Variants in IDH2 observed in about 807,000 individuals in gnomAD.
IDH2 encodes the protein isocitrate dehydrogenase (NADP(+)) 2.
Under a neutral mutation model 50.5 loss-of-function variants are expected in IDH2, and 18 were observed. That is an observed-to-expected ratio of 0.36 (90% CI 0.25 to 0.53). IDH2 has a LOEUF of 0.53. IDH2 is among the 20% of genes least tolerant of loss of function. The pLI is 0.92. For missense variants in IDH2, 518 were observed against 610.7 expected (o/e 0.85, Z 1.60); for synonymous variants, 280 against 239.8 (o/e 1.17, Z -1.55).
chr15:90,086,278 A>T (rs1900856457), intron 7 of IDH2, among the ~76,000 whole-genome samples: 1 of 150,800 alleles, frequency 6.6e-6, no homozygotes, highest in African/African-American at 2.4e-5. Flanking sequence ...TTTCTCTTTC[A>T]CTCTCTATGT....
rs577439843 is a variant in IDH2 at position 90,084,698 on chromosome 15, C to T, written c.1271+118G>A. The T allele has an allele frequency of 1.2e-6, 1 of 852,200 alleles. No homozygotes were observed. Among genetic ancestry groups the T allele is most frequent in the Non-Finnish European group, 2.0e-6 (1 of 502,180 alleles). The allele number at this position is 852,200 out of a possible 1,614,324, so 52.8% of individuals were successfully genotyped here. On this transcript the variant is annotated intron_variant, in intron 10 of 10. Coordinates refer to ENST00000330062, the MANE Select transcript of IDH2 (RefSeq NM_002168.4). This position sits in a 1 kb window ranked among gnomAD's most constrained non-coding sequence, Gnocchi z 5.0. ...CTGAGCAGTCTCTCAGGGCTGTGGA[C>T]ATGTCCTGCCCCAGGCCCCCTTGCA...
rs1421427196 is a variant in IDH2, at chr15:90,100,196, T to C, written c.115+2080A>G. ...TACTAATATTTGCAATCTGCTGGTA[T>C]TTTTAACATGGGTTTACAGAGTATA... On this transcript the variant is annotated intron_variant, in intron 1 of 10. Coordinates refer to ENST00000330062, the MANE Select transcript of IDH2 (RefSeq NM_002168.4). This position sits in a 1 kb window ranked among gnomAD's most constrained non-coding sequence, Gnocchi z 4.1. 1.3e-5 allele frequency among the ~76,000 whole-genome samples: 2 copies of C among 152,182 alleles called. No individual in the cohort carries two copies. Among genetic ancestry groups the C allele is most frequent in the Non-Finnish European group, 2.9e-5 (2 of 68,030 alleles).
At chr15:90,093,123 AG>A (rs1459422667) in intron 1 of IDH2, among the ~76,000 whole-genome samples, 1 of 152,248 alleles carries the variant, frequency 6.6e-6, no homozygotes, top group East Asian at 1.9e-4. Flanking sequence ...GCACCAAATC[AG>A]TAAGAGGTTG....
At chr15:90,092,572 T>C (rs1901071188) in intron 1 of IDH2, among the ~76,000 whole-genome samples, 1 of 137,482 alleles carries the variant, frequency 7.3e-6, no homozygotes, top group South Asian at 2.2e-4. Context: ...CACCCAGCTA[T>C]TTTTAATTTT....
Position 90,084,177 on chromosome 15 carries a change from G to C in IDH2, c.*89C>G, listed in dbSNP as rs1900793059. 1 of 992,386 alleles carries C rather than the reference G, an allele frequency of 1.0e-6. No homozygotes were observed. Among genetic ancestry groups the C allele is most frequent in the Admixed American group, 1.9e-5 (1 of 52,262 alleles). The allele number at this position is 992,386 out of a possible 1,614,324, so 61.5% of individuals were successfully genotyped here. On this transcript the variant is annotated 3_prime_UTR_variant, in exon 11 of 11. Transcript: ENST00000330062. The surrounding 1 kb of genome is among the most constrained non-coding windows in gnomAD (Gnocchi z 5.0). ...ATCCCCTAGAAAGGCCTCCAGAGAG[G>C]GGCTGTGAGGCTCACCCTCTGCCGC...
chr15:90,089,492 A>C (rs931112266), intron 3 of IDH2, among the ~76,000 whole-genome samples: 5 of 151,944 alleles, frequency 3.3e-5, no homozygotes, highest in African/African-American at 1.2e-4. Flanking sequence ...CCCCAACGCC[A>C]CCCCAGTTCC....
At position 90,083,858 on chromosome 15, in the gene IDH2, G is replaced by A; in HGVS notation, c.*408C>T. The A allele has an allele frequency of 3.3e-6, 1 of 306,156 alleles. No individual in the cohort carries two copies. The highest frequency in any genetic ancestry group is 4.8e-5 in the South Asian group (1 of 20,910). 19.0% of individuals were successfully genotyped at this position (306,156 alleles called of 1,614,324 possible). A position where few individuals can be genotyped will look rare whatever the true frequency, so the allele number is the denominator to read the frequency against. On this transcript the variant is annotated 3_prime_UTR_variant, in exon 11 of 11. Transcript: ENST00000330062. ...CCCAGGGCTGCCTGGTCCCTTCCCT[G>A]CCGTGGCAGCCCCTTCCTGAGGTGC...
intron 5 of IDH2, among the ~76,000 whole-genome samples, chr15:90,087,976 G>A (rs1451995537): frequency 6.6e-6 from 1 of 152,018 alleles, no homozygotes; most frequent in Admixed American, 6.6e-5. Context: ...GCTCAGAGGT[G>A]GTCATGTGAC....
chr15:90,091,672 T>C, intron 1 of IDH2, 28 bp from the exon 2 acceptor site: 3 of 1,595,306 alleles, frequency 1.9e-6, no homozygotes, highest in South Asian at 2.2e-5. Context: ...CAGCGCATCA[T>C]GCCCCTGGGG....
Position 90,100,628 on chromosome 15 carries a change from A to C in IDH2, c.115+1648T>G. On this transcript the variant is annotated intron_variant, in intron 1 of 10. Coordinates refer to ENST00000330062, the MANE Select transcript of IDH2 (RefSeq NM_002168.4). The surrounding 1 kb of genome is among the most constrained non-coding windows in gnomAD (Gnocchi z 4.1). ...GCCTATGGCGTTGCAAAATAGGAAA[A>C]GATGCGTGCAGGAATTACCAGGCAG... The C allele has an allele frequency of 1.0e-6, 1 of 985,448 alleles. No homozygotes were observed. Among genetic ancestry groups the C allele is most frequent in the Non-Finnish European group, 1.2e-6 (1 of 829,932 alleles). The allele number at this position is 985,448 out of a possible 1,614,324, so 61.0% of individuals were successfully genotyped here.
intron 1 of IDH2, among the ~76,000 whole-genome samples, chr15:90,099,768 C>T (rs1901281873): frequency 6.6e-6 from 1 of 152,086 alleles, no homozygotes; most frequent in Non-Finnish European, 1.5e-5. Flanking sequence ...TTCCTTAGCT[C>T]TTGTACCCAT....
chr15:90,090,732 G>T, intron 2 of IDH2, 88 bp from the exon 3 acceptor site: 1 of 1,367,332 alleles, frequency 7.3e-7, no homozygotes, highest in South Asian at 1.2e-5. Flanking sequence ...GCAGGCCATG[G>T]CAGGGGACAG....
chr15:90,088,077 C>T (rs987209758), intron 5 of IDH2, among the ~76,000 whole-genome samples: 8 of 151,736 alleles, frequency 5.3e-5, no homozygotes, highest in Admixed American at 3.9e-4. Context: ...TGGAGCTGCT[C>T]GTGGCCATTT....
chr15:90,096,723 G>A (rs976077690), intron 1 of IDH2, among the ~76,000 whole-genome samples: 3 of 152,098 alleles, frequency 2.0e-5, no homozygotes, highest in Admixed American at 2.0e-4. Context: ...GACCATCCTG[G>A]CTAACACAGT....
Position 90,087,806 on chromosome 15 carries a change from C to CTTTT in IDH2, c.679-235_679-232dup, listed in dbSNP as rs769048437. On this transcript the variant is annotated intron_variant, in intron 5 of 10. Transcript: ENST00000330062. Reference sequence around the variant, plus strand: ...TTTTTTTTTTTTTGGAAAACACCGCCTTTTTTTTTTTTTTTTTGGAAACAA... The same window carrying CTTTT: ...TTTTTTTTTTTTTGGAAAACACCGCCTTTTTTTTTTTTTTTTTTTTTGGAAACAA... Among the ~76,000 whole-genome samples, 409 of 119,342 alleles carry CTTTT rather than the reference C, an allele frequency of 3.4e-3. 5 individuals are homozygous for CTTTT. The highest frequency in any genetic ancestry group is 5.4e-3 in the Non-Finnish European group (310 of 57,784). 78.3% of individuals were successfully genotyped at this position (119,342 alleles called of 152,430 possible).
In IDH2 at chr15:90,100,589, AGCAGTCGCTG is replaced by A. The variant is rs1327880692; in HGVS notation, c.115+1677_115+1686del. On this transcript the variant is annotated intron_variant, in intron 1 of 10. Transcript: ENST00000330062. This position sits in a 1 kb window ranked among gnomAD's most constrained non-coding sequence, Gnocchi z 4.1. Reference sequence around the variant, plus strand: ...GCTCTAACTTACCAGAAACATCACCAGCAGTCGCTGGAAGCCTATGGCGTTGCAAAATAGG... The same window carrying A: ...GCTCTAACTTACCAGAAACATCACCAGAAGCCTATGGCGTTGCAAAATAGG... The A allele has an allele frequency of 3.0e-6, 3 of 983,782 alleles. No homozygotes were observed. The African/African-American group carries it at 5.2e-5, about 17-fold the overall frequency. The allele number at this position is 983,782 out of a possible 1,614,324, so 60.9% of individuals were successfully genotyped here. A position where few individuals can be genotyped will look rare whatever the true frequency, so the allele number is the denominator to read the frequency against.
intron 3 of IDH2, among the ~76,000 whole-genome samples, chr15:90,090,029 C>T (rs1205620370): frequency 2.6e-5 from 4 of 152,224 alleles, no homozygotes; most frequent in Admixed American, 2.6e-4. Context: ...CTGTCCACGC[C>T]AGAATGGACT....
intron 1 of IDH2, among the ~76,000 whole-genome samples, chr15:90,095,138 G>A (rs935110454): frequency 3.3e-5 from 5 of 151,880 alleles, no homozygotes; most frequent in African/African-American, 1.2e-4. Flanking sequence ...AGAGAGTGTG[G>A]TCTGCATCAG....
intron 7 of IDH2, among the ~76,000 whole-genome samples, chr15:90,086,046 C>G (rs886473247): frequency 2.6e-5 from 4 of 152,212 alleles, no homozygotes; most frequent in South Asian, 2.1e-4. Context: ...CACCTTCACA[C>G]CATTCCTTAG....
Sources: gnomAD v4.1 joint callset for allele counts (sites outside exome capture counted in the v4.1 genomes callset) on GRCh38, gnomAD v4.1.1 for gene constraint, Gnocchi (gnomAD v3.1) non-coding constraint, MANE v1.5 for transcripts, NCBI Gene and HGNC (gene_info 2026-07-23, HGNC 2026-07-21) for gene names.